Variants in GCGR observed in about 807,000 individuals in gnomAD.
The protein encoded by GCGR is glucagon receptor.
A neutral mutation model predicts 56.1 loss-of-function variants in GCGR; 41 were observed. The ratio of observed to expected loss-of-function variants is 0.73; its 90% CI spans 0.57 to 0.95. The LOEUF is 0.95. Ranked by LOEUF, GCGR falls within the 40% of genes least tolerant of loss-of-function variation. GCGR has a pLI of 0.00. For missense variants in GCGR, 595 were observed against 638.2 expected, an observed-to-expected ratio of 0.93 and a Z score of 0.73; for synonymous variants, 278 against 271.1, an observed-to-expected ratio of 1.03 and a Z score of -0.25.
rs926829382 is a variant in GCGR at position 81,804,652 on chromosome 17, T to A, written c.-178+403T>A. On this transcript the variant is annotated intron_variant, in intron 1 of 13. Transcript: ENST00000400723. The surrounding 1 kb of genome is among the most constrained non-coding windows in gnomAD (Gnocchi z 8.2). ...GCGGACGCGTCCCCGAGGCGCGGGG[T>A]CTCACCAGCGCTGTCTCCCCTCGGT... 6.6e-5 allele frequency among the ~76,000 whole-genome samples: 10 copies of A among 151,662 alleles called. No homozygotes were observed. The highest frequency in any genetic ancestry group is 2.1e-4 in the South Asian group (1 of 4,818).
Position 81,810,872 on chromosome 17 carries a change from AC to A in GCGR, c.216del (p.Ala73ProfsTer71). 1 of 1,510,362 alleles carries A rather than the reference AC, an allele frequency of 6.6e-7. No homozygotes were observed. The highest frequency in any genetic ancestry group is 8.8e-7 in the Non-Finnish European group (1 of 1,134,350). The allele number at this position is 1,510,362 out of a possible 1,614,324, so 93.6% of individuals were successfully genotyped here. ...CGACAAGTATTCCTGCTGGCCGGAC[AC>A]CCCCGCCAATACCACGGCCAACATC... Reference protein sequence around the residue: ...TFDKYSCWPDTPANTTANISC... With the variant: ...TFDKYSCWPDXPANTTANISC... On this transcript the variant is annotated frameshift_variant, in exon 4 of 14. Transcript: ENST00000400723. LOFTEE classifies it high-confidence loss of function. This position sits in a 1 kb window ranked among gnomAD's most constrained non-coding sequence, Gnocchi z 4.6.
Position 81,812,631 on chromosome 17 carries a change from G to T in GCGR, c.1003G>T (p.Ala335Ser). 3.3e-6 allele frequency: 5 copies of T among 1,536,410 alleles called. No individual in the cohort carries two copies. The highest frequency in any genetic ancestry group is 4.4e-6 in the Non-Finnish European group (5 of 1,146,774). ...TCAGCTGCTCGTGGCCAAGCTGCGG[G>T]CACGGCAGATGCACCACACAGACTA... is the stretch of plus-strand genomic sequence containing the variant. ...IVQLLVAKLR[A>S]RQMHHTDYKF... is the part of the protein sequence containing the mutation. The change falls in exon 11 of 14, where the codon GCA becomes TCA. Residue 335 changes from alanine to serine, a missense_variant. Ala to Ser is a moderately conservative substitution (Grantham distance 99). Coordinates refer to ENST00000400723, the MANE Select transcript of GCGR (RefSeq NM_000160.5). This position sits in a 1 kb window ranked among gnomAD's most constrained non-coding sequence, Gnocchi z 8.5.
At position 81,811,188 on chromosome 17, in the gene GCGR, C is replaced by T. The variant is rs912533857; in HGVS notation, c.394-34C>T. 16 of 1,536,118 alleles carry T rather than the reference C, an allele frequency of 1.0e-5. No homozygotes were observed. The Admixed American group carries it at 1.4e-4, about 13-fold the overall frequency. On this transcript the variant is annotated intron_variant, in intron 5 of 13. Transcript: ENST00000400723. This position sits in a 1 kb window ranked among gnomAD's most constrained non-coding sequence, Gnocchi z 5.8. ...TGGATGGGAACGGGCATGGGGGCCC[C>T]TGCCTGGCCCTCACAGGCCACTGTA...
intron 2 of GCGR, among the ~76,000 whole-genome samples, chr17:81,809,536 T>C (rs1194170051): frequency 6.8e-6 from 1 of 147,746 alleles, no homozygotes; most frequent in African/African-American, 2.5e-5. Context: ...TCTGCCTGTC[T>C]GCCCGTCTGC....
rs1032547859 is a variant in GCGR at position 81,813,426 on chromosome 17, A to T, written c.1219-48A>T. 6.7e-7 allele frequency: 1 copy of T among 1,500,554 alleles called. No individual in the cohort carries two copies. The highest frequency in any genetic ancestry group is 8.9e-7 in the Non-Finnish European group (1 of 1,118,346). 93.0% of individuals were successfully genotyped at this position (1,500,554 alleles called of 1,614,324 possible). A position where few individuals can be genotyped will look rare whatever the true frequency, so the allele number is the denominator to read the frequency against. On this transcript the variant is annotated intron_variant, in intron 13 of 13. Coordinates refer to ENST00000400723, the MANE Select transcript of GCGR (RefSeq NM_000160.5). The surrounding 1 kb of genome is among the most constrained non-coding windows in gnomAD (Gnocchi z 5.3). ...CCCACAGCAGGTCCCGGTGGGGTGG[A>T]GAGGACAGGCAGGCCCTAGGACTGG...
chr17:81,809,090 C>T lies in GCGR; in HGVS notation c.60+12C>T. The stretch of plus-strand genomic sequence containing the variant: ...TGCTGGCCTGCCAGGTGAGGACTCA[C>T]AGCACCCTCAGCACCCAGGGGCCCT... On this transcript the variant is annotated intron_variant, in intron 2 of 13. Coordinates refer to ENST00000400723, the MANE Select transcript of GCGR (RefSeq NM_000160.5). 1 of 1,534,954 alleles carries T rather than the reference C, an allele frequency of 6.5e-7. No homozygotes were observed. Among genetic ancestry groups the T allele is most frequent in the Non-Finnish European group, 8.7e-7 (1 of 1,146,252 alleles).
At position 81,811,122 on chromosome 17, in the gene GCGR, TG is replaced by T; in HGVS notation, c.385del (p.Glu129ArgfsTer15). On this transcript the variant is annotated frameshift_variant, in exon 5 of 14. Coordinates refer to ENST00000400723, the MANE Select transcript of GCGR (RefSeq NM_000160.5). LOFTEE classifies it high-confidence loss of function. The surrounding 1 kb of genome is among the most constrained non-coding windows in gnomAD (Gnocchi z 5.8). Reference protein sequence around the residue: ...SQCQMDGEEIEVQKEVAKMYS... With the variant: ...SQCQMDGEEIXVQKEVAKMYS... ...AGTGCCAGATGGATGGCGAGGAGAT[TG>T]AGGTCCAGGTCAGTGGGCGGCAGGC... The T allele has an allele frequency of 6.5e-7, 1 of 1,536,194 alleles. No individual in the cohort carries two copies. Among genetic ancestry groups the T allele is most frequent in the Non-Finnish European group, 8.7e-7 (1 of 1,146,806 alleles).
chr17:81,810,458 T>G lies in GCGR; in HGVS notation c.164-367T>G. On this transcript the variant is annotated intron_variant, in intron 3 of 13. Transcript: ENST00000400723. The surrounding 1 kb of genome is among the most constrained non-coding windows in gnomAD (Gnocchi z 4.6). ...CACCTGGGAAGGATGAAAATGGCAT[T>G]GGGGTTCAGCCCCCAGAGAGGGAGG... 2.7e-6 allele frequency: 1 copy of G among 374,244 alleles called. No individual in the cohort carries two copies. The highest frequency in any genetic ancestry group is 2.8e-5 in the South Asian group (1 of 35,954). 23.2% of individuals were successfully genotyped at this position (374,244 alleles called of 1,614,324 possible). A position where few individuals can be genotyped will look rare whatever the true frequency, so the allele number is the denominator to read the frequency against.
In GCGR at chr17:81,813,509, GCGC is replaced by G. The variant is rs1483629978; in HGVS notation, c.1256_1258del (p.Arg419del). On this transcript the variant is annotated inframe_deletion, in exon 14 of 14. Coordinates refer to ENST00000400723, the MANE Select transcript of GCGR (RefSeq NM_000160.5). The surrounding 1 kb of genome is among the most constrained non-coding windows in gnomAD (Gnocchi z 5.3). ...AGCTGCGGCGGCGTTGGCACCGCTG[GCGC>G]CTGGGCAAAGTGCTATGGGAGGAGC... 2 of 1,535,746 alleles carry G rather than the reference GCGC, an allele frequency of 1.3e-6. No individual in the cohort carries two copies. The highest frequency in any genetic ancestry group is 2.0e-5 in the Admixed American group (1 of 51,002).
chr17:81,811,067 C>A lies in GCGR; in HGVS notation c.329C>A (p.Pro110His), dbSNP rs1228449257. ...CCCGACGGTCAGTGGGTGCGTGGAC[C>A]CCGGGGGCAGCCTTGGCGTGATGCC... ...CGPDGQWVRG[P>H]RGQPWRDASQ... The change falls in exon 5 of 14, where the codon CCC (proline) becomes CAC (histidine). Residue 110 changes from proline to histidine, a missense_variant. By Grantham distance (77) the Pro-to-His change is moderately conservative (BLOSUM62 -2). Coordinates refer to ENST00000400723, the MANE Select transcript of GCGR (RefSeq NM_000160.5). This position sits in a 1 kb window ranked among gnomAD's most constrained non-coding sequence, Gnocchi z 5.8. 7 of 1,536,024 alleles carry A rather than the reference C, an allele frequency of 4.6e-6. No homozygotes were observed. Among genetic ancestry groups the A allele is most frequent in the African/African-American group, 2.7e-5 (2 of 73,020 alleles).
In GCGR at chr17:81,812,984, G is replaced by C. The variant is rs1301977144; in HGVS notation, c.1177-32G>C. 2.6e-6 allele frequency: 4 copies of C among 1,536,084 alleles called. No homozygotes were observed. In the South Asian group the frequency reaches 4.8e-5, roughly 18 times the overall value. Reference sequence around the variant, plus strand: ...CGCCGGCTCCCCCGCCCGGGGCGCAGTGTGCCACCCCTGACCACCCTGTCT... The same window carrying C: ...CGCCGGCTCCCCCGCCCGGGGCGCACTGTGCCACCCCTGACCACCCTGTCT... On this transcript the variant is annotated intron_variant, in intron 12 of 13. Coordinates refer to ENST00000400723, the MANE Select transcript of GCGR (RefSeq NM_000160.5). This position sits in a 1 kb window ranked among gnomAD's most constrained non-coding sequence, Gnocchi z 8.5.
intron 2 of GCGR, 148 bp from the exon 3 acceptor site, chr17:81,809,634 C>CCTGTCTGTCTGCCTGTCTGCCTGT: frequency 1.5e-6 from 1 of 662,752 alleles, no homozygotes; most frequent in East Asian, 2.8e-5. Flanking sequence ...CGTCTGCCTG[C>CCTGTCTGTCTGCCTGTCTGCCTGT]CTGTCTGTCT....
chr17:81,808,940 C>G lies in GCGR; in HGVS notation c.-79C>G. On this transcript the variant is annotated 5_prime_UTR_variant, in exon 2 of 14. Transcript: ENST00000400723. Reference sequence around the variant, plus strand: ...TGCCACTCAGCTGCCCTCGGAGGAGCGTACACACCCACCAGGACTGCATTG... The same window carrying G: ...TGCCACTCAGCTGCCCTCGGAGGAGGGTACACACCCACCAGGACTGCATTG... 1 of 1,498,952 alleles carries G rather than the reference C, an allele frequency of 6.7e-7. No homozygotes were observed. The highest frequency in any genetic ancestry group is 9.0e-7 in the Non-Finnish European group (1 of 1,114,246). 92.9% of individuals were successfully genotyped at this position (1,498,952 alleles called of 1,614,324 possible). A position where few individuals can be genotyped will look rare whatever the true frequency, so the allele number is the denominator to read the frequency against.
rs964370942 is a variant in GCGR, at chr17:81,810,357, C to G, written c.164-468C>G. On this transcript the variant is annotated intron_variant, in intron 3 of 13. Transcript: ENST00000400723. This position sits in a 1 kb window ranked among gnomAD's most constrained non-coding sequence, Gnocchi z 4.6. ...GTTCGGATGAGGGAGGCAGCCACCA[C>G]TGGGCAGAGGGGGGCAGGTGTGGCA... 6.1e-6 allele frequency: 2 copies of G among 328,442 alleles called. No homozygotes were observed. Among genetic ancestry groups the G allele is most frequent in the Admixed American group, 8.6e-5 (2 of 23,254 alleles). 20.3% of individuals were successfully genotyped at this position (328,442 alleles called of 1,614,324 possible).
chr17:81,811,890 C>T lies in GCGR; in HGVS notation c.822C>T (p.Ala274=). ...FSLYLGIGWG[A]PMLFVVPWAV... ...CACAGCTGCTGCCCCCCACAGGTGCCCCCATGCTGTTCGTCGTCCCCTGGG... is the reference window on the plus strand; with the variant it reads ...CACAGCTGCTGCCCCCCACAGGTGCTCCCATGCTGTTCGTCGTCCCCTGGG... Residue 274 remains alanine, a synonymous_variant, in exon 9 of 14, where the codon GCC becomes GCT. Coordinates refer to ENST00000400723, the MANE Select transcript of GCGR (RefSeq NM_000160.5). This position sits in a 1 kb window ranked among gnomAD's most constrained non-coding sequence, Gnocchi z 5.8. 1 of 1,537,144 alleles carries T rather than the reference C, an allele frequency of 6.5e-7. No homozygotes were observed. The highest frequency in any genetic ancestry group is 8.7e-7 in the Non-Finnish European group (1 of 1,146,890).
At chr17:81,808,421 G>C (rs2038005156) in intron 1 of GCGR, among the ~76,000 whole-genome samples, 1 of 152,064 alleles carries the variant, frequency 6.6e-6, no homozygotes, top group African/African-American at 2.4e-5. Context: ...CACCAGCAAT[G>C]AGACGAGGGG....
chr17:81,805,033 G>A (rs570317601), intron 1 of GCGR: 1 of 152,468 alleles, frequency 6.6e-6, no homozygotes, highest in African/African-American at 2.4e-5. Context: ...CGCAGGGATA[G>A]GGCTTTGTCA....
chr17:81,809,532 TGTCTGCCC>T (rs1468189216), intron 2 of GCGR, among the ~76,000 whole-genome samples: 65 of 146,990 alleles, frequency 4.4e-4, no homozygotes, highest in Admixed American at 1.4e-3. Context: ...CCTGTCTGCC[TGTCTGCCC>T]GTCTGCCTGT....
intron 2 of GCGR, among the ~76,000 whole-genome samples, 168 bp from the exon 3 acceptor site, chr17:81,809,614 T>A (rs2038048747): frequency 6.8e-6 from 1 of 146,340 alleles, no homozygotes; most frequent in African/African-American, 2.6e-5. Context: ...TGCCTGCCTA[T>A]CTGTCTGTCC....
Sources: gnomAD v4.1 joint callset for allele counts (sites outside exome capture counted in the v4.1 genomes callset) on GRCh38, gnomAD v4.1.1 for gene constraint, Gnocchi (gnomAD v3.1) non-coding constraint, MANE v1.5 for transcripts, NCBI Gene and HGNC (gene_info 2026-07-23, HGNC 2026-07-21) for gene names.